LRRIQ3: variants seen among roughly 807,000 people sequenced by gnomAD.
LRRIQ3 encodes the protein leucine rich repeats and IQ motif containing 3, also known as leucine-rich repeat and IQ domain-containing protein 3.
Under a neutral mutation model 59.3 loss-of-function variants are expected in LRRIQ3, and 75 were observed. The ratio of observed to expected loss-of-function variants is 1.26; its 90% CI spans 1.05 to 1.53. The LOEUF (loss-of-function observed/expected upper bound fraction) is 1.53. Ranked by LOEUF, LRRIQ3 falls within the 40% of genes most tolerant of loss-of-function variation. The probability of loss-of-function intolerance (pLI) is 0.00; values close to 1 mark genes in which losing one functional copy is unlikely to be tolerated. For synonymous variants in LRRIQ3, 250 were observed against 231.3 expected (o/e 1.08, Z -0.73); for missense variants, 831 against 710.0 (o/e 1.17, Z -1.94).
intron 1 of LRRIQ3, among the ~76,000 whole-genome samples, chr1:74,191,341 T>C (rs1448778289): frequency 6.6e-6 from 1 of 152,126 alleles, no homozygotes; most frequent in African/African-American, 2.4e-5. Context: ...GATACTCATA[T>C]CTATGTTAAG....
intron 4 of LRRIQ3, among the ~76,000 whole-genome samples, chr1:74,122,258 T>G (rs962068348): frequency 2.0e-5 from 3 of 152,182 alleles, no homozygotes; most frequent in Non-Finnish European, 4.4e-5. Flanking sequence ...GTTTCCTGAC[T>G]TTTTAATGAT....
intron 4 of LRRIQ3, among the ~76,000 whole-genome samples, chr1:74,133,065 A>G (rs1334445338): frequency 6.6e-6 from 1 of 152,160 alleles, no homozygotes; most frequent in African/African-American, 2.4e-5. Context: ...ATGAACAGAC[A>G]CTTCTCAAAA....
Position 74,026,710 on chromosome 1 carries a change from G to T in LRRIQ3, c.*103C>A. The T allele has an allele frequency of 1.2e-6, 1 of 836,690 alleles. No homozygotes were observed. Among genetic ancestry groups the T allele is most frequent in the Non-Finnish European group, 1.8e-6 (1 of 545,700 alleles). 51.8% of individuals were successfully genotyped at this position (836,690 alleles called of 1,614,324 possible). On this transcript the variant is annotated 3_prime_UTR_variant, in exon 8 of 8. Coordinates refer to ENST00000354431, the MANE Select transcript of LRRIQ3 (RefSeq NM_001105659.2). The stretch of plus-strand genomic sequence containing the variant: ...GAAGACTTATATATAAATCCATCTT[G>T]TGATGTAGAGTATTTCTTGCTTTAG...
intron 5 of LRRIQ3, among the ~76,000 whole-genome samples, chr1:74,085,729 A>T (rs1417030640): frequency 6.6e-6 from 1 of 152,010 alleles, no homozygotes; most frequent in African/African-American, 2.4e-5. Flanking sequence ...CTACTTTAAG[A>T]TAGCATAATT....
intron 3 of LRRIQ3, among the ~76,000 whole-genome samples, chr1:74,171,933 C>T (rs1649347370): frequency 6.6e-6 from 1 of 152,032 alleles, no homozygotes; most frequent in Non-Finnish European, 1.5e-5. Context: ...AAATGAGTCT[C>T]AAAATCTTTT....
chr1:74,082,617 A>G (rs779444063), intron 5 of LRRIQ3: 8 of 151,626 alleles, frequency 5.3e-5, no homozygotes, highest in Non-Finnish European at 8.9e-5. Context: ...ATTACTGATT[A>G]GTTTGCTCTT....
chr1:74,067,883 T>C (rs973985130), intron 6 of LRRIQ3, among the ~76,000 whole-genome samples: 2 of 152,110 alleles, frequency 1.3e-5, no homozygotes, highest in African/African-American at 4.8e-5. Flanking sequence ...AAGGCCCTAA[T>C]TTTGGAGGTC....
At chr1:74,184,920 TAA>T (rs1428758224) in intron 1 of LRRIQ3, among the ~76,000 whole-genome samples, 1 of 152,208 alleles carries the variant, frequency 6.6e-6, no homozygotes, top group East Asian at 1.9e-4. Context: ...AGAAAAGATA[TAA>T]GTCTTTCCTC....
Position 74,041,621 on chromosome 1 carries a change from T to G in LRRIQ3, c.1310A>C (p.Lys437Thr), listed in dbSNP as rs765649219. The G allele has an allele frequency of 3.1e-6, 5 of 1,613,808 alleles. No homozygotes were observed. Among genetic ancestry groups the G allele is most frequent in the Non-Finnish European group, 4.2e-6 (5 of 1,179,850 alleles). Reference protein sequence around the residue: ...YTEQKKQEYHKEKVRVVAMAQ... With the variant: ...YTEQKKQEYHTEKVRVVAMAQ... ...CATGGCTACAACTCTTACTTTTTCT[T>G]TATGGTATTCCTGCTTCTTTTGTTC... The change falls in exon 7 of 8, where the codon AAA (lysine) becomes ACA (threonine). Residue 437 changes from lysine to threonine, a missense_variant. Lys to Thr is a moderately conservative substitution (Grantham distance 78). Coordinates refer to ENST00000354431, the MANE Select transcript of LRRIQ3 (RefSeq NM_001105659.2).
At position 74,026,806 on chromosome 1, in the gene LRRIQ3, C is replaced by T. The variant is rs1274906176; in HGVS notation, c.*7G>A. ...AAGATGATCATAGGATGTGATCTGG[C>T]ATTGATTCATTTTATCAGTCCATTG... On this transcript the variant is annotated 3_prime_UTR_variant, in exon 8 of 8. Coordinates refer to ENST00000354431, the MANE Select transcript of LRRIQ3 (RefSeq NM_001105659.2). 2.5e-6 allele frequency: 4 copies of T among 1,592,608 alleles called. No homozygotes were observed. The Admixed American group carries it at 7.2e-5, about 29-fold the overall frequency.
intron 6 of LRRIQ3, among the ~76,000 whole-genome samples, chr1:74,052,971 TTTAAAGTGTACAA>T: frequency 6.6e-6 from 1 of 152,254 alleles, no homozygotes; most frequent in South Asian, 2.1e-4. Flanking sequence ...AATGTATCTT[TTTAAAGTGTACAA>T]TTACAATAAT....
chr1:74,175,807 T>C (rs968555912), intron 3 of LRRIQ3, among the ~76,000 whole-genome samples: 1 of 152,194 alleles, frequency 6.6e-6, no homozygotes, highest in Non-Finnish European at 1.5e-5. Flanking sequence ...GCTTTCTTAG[T>C]AGATGCTTTA....
chr1:74,051,477 GAT>G (rs1654367347), intron 6 of LRRIQ3, among the ~76,000 whole-genome samples: 3 of 152,058 alleles, frequency 2.0e-5, no homozygotes, highest in African/African-American at 7.2e-5. Context: ...TCCGTATTGA[GAT>G]ATACTTAATA....
Position 74,144,012 on chromosome 1 carries a change from C to T in LRRIQ3, c.707+11721G>A, listed in dbSNP as rs141610848. On this transcript the variant is annotated intron_variant, in intron 4 of 7. Coordinates refer to ENST00000354431, the MANE Select transcript of LRRIQ3 (RefSeq NM_001105659.2). ...CCTTTAAGAACTAGTGAAGCATTAA[C>T]GATGTACATTTAAAATGCATAAATA... 9.9e-5 allele frequency among the ~76,000 whole-genome samples: 15 copies of T among 151,848 alleles called. No individual in the cohort carries two copies. The East Asian group carries it at 2.1e-3, about 22-fold the overall frequency.
chr1:74,198,157 G>A lies in LRRIQ3; in HGVS notation c.-162C>T, dbSNP rs1651364575. On this transcript the variant is annotated 5_prime_UTR_variant, in exon 1 of 8. Transcript: ENST00000354431. ...TCATGGTTTTCCGGGCGCCAGCCAA[G>A]GCGCTCCGGGGGCGTGGTTACGTGG... is the stretch of plus-strand genomic sequence containing the variant. 4 of 1,507,184 alleles carry A rather than the reference G, an allele frequency of 2.7e-6. No homozygotes were observed. The highest frequency in any genetic ancestry group is 1.4e-5 in the African/African-American group (1 of 72,196). 93.4% of individuals were successfully genotyped at this position (1,507,184 alleles called of 1,614,324 possible).
intron 7 of LRRIQ3, among the ~76,000 whole-genome samples, chr1:74,028,988 T>C (rs1398633045): frequency 6.6e-6 from 1 of 152,024 alleles, no homozygotes; most frequent in Non-Finnish European, 1.5e-5. Flanking sequence ...CTCTTACAGA[T>C]AAACATTATA....
chr1:74,169,033 A>T (rs1414547453), intron 3 of LRRIQ3, among the ~76,000 whole-genome samples: 1 of 152,142 alleles, frequency 6.6e-6, no homozygotes, highest in Non-Finnish European at 1.5e-5. Flanking sequence ...GAACTTCCTC[A>T]TCTTGCATAA....
chr1:74,141,539 T>C (rs925261928), intron 4 of LRRIQ3, among the ~76,000 whole-genome samples: 5 of 152,032 alleles, frequency 3.3e-5, no homozygotes, highest in East Asian at 1.9e-4. Flanking sequence ...AATTTCTAAA[T>C]GTTTTGAACA....
At chr1:74,180,846 C>T (rs1570269605) in intron 3 of LRRIQ3, 1 of 1,509,354 alleles carries the variant, frequency 6.6e-7, no homozygotes, top group Non-Finnish European at 9.0e-7. Flanking sequence ...AAAGGCCTTC[C>T]CCATCCACCC....
Sources: allele counts gnomAD v4.1 joint callset (sites outside exome capture counted in the v4.1 genomes callset), GRCh38; gene constraint gnomAD v4.1.1; transcripts MANE v1.5; gene names NCBI Gene and HGNC (gene_info 2026-07-23, HGNC 2026-07-21).